PRPF40B: variants seen among roughly 807,000 people sequenced by gnomAD.
PRPF40B encodes the protein pre-mRNA-processing factor 40 homolog B.
PRPF40B carries 56 observed loss-of-function variants against 124.5 expected under a neutral mutation model. The observed-to-expected ratio is 0.45, with a 90% CI of 0.36 to 0.56. The LOEUF is 0.56. PRPF40B is among the 20% of genes least tolerant of loss of function. The pLI, the probability that PRPF40B is intolerant of heterozygous loss-of-function variation, is 0.00. For missense variants in PRPF40B, 1,053 were observed against 1,169.5 expected (o/e 0.90, Z 1.45); for synonymous variants, 443 against 426.4 (o/e 1.04, Z -0.48).
intron 17 of PRPF40B, 43 bp downstream of exon 17, chr12:49,637,627 C>G (rs771682664): frequency 1.9e-6 from 3 of 1,591,326 alleles, no homozygotes; most frequent in Admixed American, 3.3e-5. Flanking sequence ...GGCTTCCTGC[C>G]CTGCCAGCCT....
At position 49,635,322 on chromosome 12, in the gene PRPF40B, C is replaced by G; in HGVS notation, c.1167-43C>G. On this transcript the variant is annotated intron_variant, in intron 13 of 25. Coordinates refer to ENST00000548825, the MANE Select transcript of PRPF40B (RefSeq NM_001031698.3). The surrounding 1 kb of genome is among the most constrained non-coding windows in gnomAD (Gnocchi z 4.1). ...CCCTGAGAACACAAAGGTCCAGGGT[C>G]TCTGTTCTCTGTCTACCTACTCACA... 6.2e-7 allele frequency: 1 copy of G among 1,608,560 alleles called. No homozygotes were observed. The highest frequency in any genetic ancestry group is 1.3e-5 in the African/African-American group (1 of 74,790).
At chr12:49,623,211 C>T (rs1940353510), upstream of PRPF40B, among the ~76,000 whole-genome samples, 1 of 152,082 alleles carries the variant, frequency 6.6e-6, no homozygotes, top group African/African-American at 2.4e-5. Flanking sequence ...CGCAAAGGCA[C>T]CCTACACACT....
Position 49,642,623 on chromosome 12 carries a change from C to T in PRPF40B, c.2066C>T (p.Thr689Ile), listed in dbSNP as rs1942826178. The stretch of plus-strand genomic sequence containing the variant: ...TGTGACTCAGCCTTTGAGCAGATCA[C>T]CCTGGAGTCGGAGCGGATCCGGCTC... ...FVCDSAFEQI[T>I]LESERIRLFR... Residue 689 changes from threonine (T) to isoleucine (I), a missense_variant, in exon 21 of 26, where the codon ACC becomes ATC. Coordinates refer to ENST00000548825, the MANE Select transcript of PRPF40B (RefSeq NM_001031698.3). This position sits in a 1 kb window ranked among gnomAD's most constrained non-coding sequence, Gnocchi z 5.8. 2.5e-6 allele frequency: 4 copies of T among 1,614,204 alleles called. No homozygotes were observed. Among genetic ancestry groups the T allele is most frequent in the Non-Finnish European group, 3.4e-6 (4 of 1,180,034 alleles).
At chr12:49,640,742 T>C (rs1942522626) in intron 18 of PRPF40B, 2 of 152,366 alleles carry the variant, frequency 1.3e-5, no homozygotes, top group South Asian at 4.1e-4. Context: ...TAAATGTTTA[T>C]TCCTTTTCCT....
chr12:49,633,298 CCA>C, intron 7 of PRPF40B, 127 bp from the exon 8 acceptor site: 1 of 1,397,182 alleles, frequency 7.2e-7, no homozygotes, highest in Non-Finnish European at 9.8e-7. Context: ...TCCACCTTCC[CCA>C]GTTTGAACCA....
Position 49,631,996 on chromosome 12 carries a change from C to A in PRPF40B, c.294+71C>A. ...CGTGAGTCTGACTTGGAATGCAGGACTATGACCTCCATTCTTTCCCTCTTC... is the reference window on the plus strand; with the variant it reads ...CGTGAGTCTGACTTGGAATGCAGGAATATGACCTCCATTCTTTCCCTCTTC... On this transcript the variant is annotated intron_variant, in intron 4 of 25. Transcript: ENST00000548825. The surrounding 1 kb of genome is among the most constrained non-coding windows in gnomAD (Gnocchi z 4.3). 7.0e-7 allele frequency: 1 copy of A among 1,420,332 alleles called. No homozygotes were observed. The highest frequency in any genetic ancestry group is 9.9e-7 in the Non-Finnish European group (1 of 1,005,880). 88.0% of individuals were successfully genotyped at this position (1,420,332 alleles called of 1,614,324 possible).
rs770558437 is a variant in PRPF40B at position 49,635,342 on chromosome 12, C to T, written c.1167-23C>T. On this transcript the variant is annotated intron_variant, in intron 13 of 25. Transcript: ENST00000548825. This position sits in a 1 kb window ranked among gnomAD's most constrained non-coding sequence, Gnocchi z 4.1. ...AGGGTCTCTGTTCTCTGTCTACCTA[C>T]TCACAGCTTATATGCTCCACAGGCG... 4 of 1,610,498 alleles carry T rather than the reference C, an allele frequency of 2.5e-6. No homozygotes were observed. Among genetic ancestry groups the T allele is most frequent in the South Asian group, 1.1e-5 (1 of 90,480 alleles).
chr12:49,643,139 C>G (rs2138663041), intron 22 of PRPF40B, 84 bp from the exon 23 acceptor site: 1 of 1,587,444 alleles, frequency 6.3e-7, no homozygotes, highest in East Asian at 2.2e-5. Context: ...GGCCCTGGGT[C>G]CTCCTCCTCT....
intron 4 of PRPF40B, chr12:49,632,247 G>A (rs370462878): frequency 3.5e-6 from 2 of 578,574 alleles, no homozygotes; most frequent in South Asian, 4.5e-5. Context: ...CCCCAGAAGA[G>A]TCAGTAGCAC....
rs892130443 is a variant in PRPF40B, at chr12:49,632,578, C to T, written c.295-18C>T. The T allele has an allele frequency of 2.5e-6, 4 of 1,613,426 alleles. No homozygotes were observed. Among genetic ancestry groups the T allele is most frequent in the Admixed American group, 1.7e-5 (1 of 59,946 alleles). On this transcript the variant is annotated intron_variant, in intron 4 of 25. Transcript: ENST00000548825. ...CTGGGCTTGGCCCCAACCCTTCCCC[C>T]TCCTCTTTCTTCGGCAGACGGCTCC...
In PRPF40B at chr12:49,643,203, G is replaced by C. The variant is rs1565853666; in HGVS notation, c.2206-20G>C. The C allele has an allele frequency of 6.2e-7, 1 of 1,613,644 alleles. No individual in the cohort carries two copies. Among genetic ancestry groups the C allele is most frequent in the Non-Finnish European group, 8.5e-7 (1 of 1,179,870 alleles). On this transcript the variant is annotated intron_variant, in intron 22 of 25. Coordinates refer to ENST00000548825, the MANE Select transcript of PRPF40B (RefSeq NM_001031698.3). ...GGGCAGAGAACCTCTGCACTGACAT[G>C]TATCTGCTGATCTGCCCAGGGCTCT... is the stretch of plus-strand genomic sequence containing the variant.
At chr12:49,622,999 G>T (rs770775503), upstream of PRPF40B, among the ~76,000 whole-genome samples, 1 of 151,998 alleles carries the variant, frequency 6.6e-6, no homozygotes, top group African/African-American at 2.4e-5. Context: ...TGAACTTCAG[G>T]GTCACGCGAG....
At position 49,631,332 on chromosome 12, in the gene PRPF40B, C is replaced by T; in HGVS notation, c.85-69C>T. 8.7e-7 allele frequency: 1 copy of T among 1,146,774 alleles called. No homozygotes were observed. The allele number at this position is 1,146,774 out of a possible 1,614,324, so 71.0% of individuals were successfully genotyped here. On this transcript the variant is annotated intron_variant, in intron 2 of 25. Transcript: ENST00000548825. This position sits in a 1 kb window ranked among gnomAD's most constrained non-coding sequence, Gnocchi z 4.3. ...GAGGGAGGTGGTGGATATTTCCTGA[C>T]AGGTCCTCTCTACCTCTGACAAGGC...
In PRPF40B at chr12:49,628,693, G is replaced by C. The variant is rs1940954234; in HGVS notation, c.4-1852G>C. Among the ~76,000 whole-genome samples the C allele has an allele frequency of 1.3e-5, 2 of 151,724 alleles. 1 individual carries two copies. Among genetic ancestry groups the C allele is most frequent in the South Asian group, 4.2e-4 (2 of 4,806 alleles). On this transcript the variant is annotated intron_variant, in intron 1 of 25. Transcript: ENST00000548825. ...CTCATTCTCCCACCTCTCCCGAGTAGCTGGGACTAAAGGTGCCTGCCACCA... is the reference window on the plus strand; with the variant it reads ...CTCATTCTCCCACCTCTCCCGAGTACCTGGGACTAAAGGTGCCTGCCACCA...
Position 49,642,220 on chromosome 12 carries a change from C to T in PRPF40B, c.1885-15C>T. The T allele has an allele frequency of 6.2e-7, 1 of 1,613,664 alleles. No homozygotes were observed. Reference sequence around the variant, plus strand: ...CCTCCTGGGTGACCCTGTTCCGTGTCCCTTCTTTCCTCAGCTGCTGGAGAA... The same window carrying T: ...CCTCCTGGGTGACCCTGTTCCGTGTTCCTTCTTTCCTCAGCTGCTGGAGAA... On this transcript the variant is annotated splice_polypyrimidine_tract_variant and intron_variant, in intron 19 of 25. Coordinates refer to ENST00000548825, the MANE Select transcript of PRPF40B (RefSeq NM_001031698.3). The surrounding 1 kb of genome is among the most constrained non-coding windows in gnomAD (Gnocchi z 5.8).
chr12:49,644,570 C>G lies in PRPF40B; in HGVS notation c.*378C>G. ...TAGCATCAGTGCCTGCTCCTGCCTG[C>G]CCTGGCCCTGAGGCTCCACCACTTC... On this transcript the variant is annotated 3_prime_UTR_variant, in exon 26 of 26. Transcript: ENST00000548825. 1 of 251,446 alleles carries G rather than the reference C, an allele frequency of 4.0e-6. No individual in the cohort carries two copies. Among genetic ancestry groups the G allele is most frequent in the Non-Finnish European group, 7.9e-6 (1 of 126,020 alleles). 15.6% of individuals were successfully genotyped at this position (251,446 alleles called of 1,614,324 possible).
rs888094006 is a variant in PRPF40B, at chr12:49,635,101, C to T, written c.1004C>T (p.Ala335Val). The change falls in exon 13 of 26, where the codon GCC becomes GTC. Residue 335 changes from alanine (A) to valine (V), a missense_variant and splice_region_variant. By Grantham distance (64) the Ala-to-Val change is moderately conservative (BLOSUM62 0). This residue lies in a region of PRPF40B where 895 missense variants were observed against 1,052.2 expected (regional missense o/e 0.85). Coordinates refer to ENST00000548825, the MANE Select transcript of PRPF40B (RefSeq NM_001031698.3). The surrounding 1 kb of genome is among the most constrained non-coding windows in gnomAD (Gnocchi z 4.1). The part of the protein sequence containing the change: ...KMVVTDPRYS[A>V]LPKLSEKKQA... ...CCCACTCCTACCCTCTATCCCAGTGCCTTGCCTAAACTGAGTGAGAAAAAG... is the reference window on the plus strand; with the variant it reads ...CCCACTCCTACCCTCTATCCCAGTGTCTTGCCTAAACTGAGTGAGAAAAAG... 1 of 1,611,524 alleles carries T rather than the reference C, an allele frequency of 6.2e-7. No individual in the cohort carries two copies. The highest frequency in any genetic ancestry group is 1.3e-5 in the African/African-American group (1 of 74,812).
At chr12:49,628,259 G>A (rs1940903583) in intron 1 of PRPF40B, among the ~76,000 whole-genome samples, 1 of 152,112 alleles carries the variant, frequency 6.6e-6, no homozygotes, top group Non-Finnish European at 1.5e-5. Flanking sequence ...GTTTGTTGTT[G>A]TTGTTGTTGT....
chr12:49,641,993 A>C lies in PRPF40B; in HGVS notation c.1853A>C (p.Asp618Ala). 6.2e-7 allele frequency: 1 copy of C among 1,613,560 alleles called. No individual in the cohort carries two copies. The highest frequency in any genetic ancestry group is 8.5e-7 in the Non-Finnish European group (1 of 1,180,038). ...TTTGACAAGAGGGCTGCCGCACTGG[A>C]CGCAGGCAACATCAAGCTGACCTTC... The part of the protein sequence containing the change: ...ISFDKRAAAL[D>A]AGNIKLTFNS... Residue 618 changes from aspartate (D) to alanine (A), a missense_variant, in exon 19 of 26, where the codon GAC becomes GCC. Transcript: ENST00000548825.
Sources: allele counts gnomAD v4.1 joint callset (sites outside exome capture counted in the v4.1 genomes callset), GRCh38; gene constraint gnomAD v4.1.1; regional missense constraint gnomAD v4.1.1; non-coding constraint Gnocchi (gnomAD v3.1); transcripts MANE v1.5; gene names NCBI Gene and HGNC (gene_info 2026-07-23, HGNC 2026-07-21).